The following RFX7 variants were observed in gnomAD, a reference collection of about 807,000 sequenced individuals.
RFX7 encodes DNA-binding protein RFX7.
RFX7 carries 26 observed loss-of-function variants against 111.8 expected under a neutral mutation model. The observed-to-expected ratio is 0.23, with a 90% CI of 0.17 to 0.32. The LOEUF is 0.32. RFX7 is among the 10% of genes least tolerant of loss of function. The pLI is 1.00. For missense variants in RFX7, 1,573 were observed against 1,772.9 expected, an observed-to-expected ratio of 0.89 and a Z score of 2.02; for synonymous variants, 624 against 624.4, an observed-to-expected ratio of 1.00 and a Z score of 0.01.
chr15:56,156,835 T>C (rs766419770), intron 3 of RFX7, among the ~76,000 whole-genome samples: 3 of 152,228 alleles, frequency 2.0e-5, no homozygotes, highest in Non-Finnish European at 2.9e-5. Flanking sequence ...TTATTTATCA[T>C]TTGAGTTTAA....
At chr15:56,105,178 G>A (rs1030472024) in intron 5 of RFX7, among the ~76,000 whole-genome samples, 3 of 152,140 alleles carry the variant, frequency 2.0e-5, no homozygotes, top group Admixed American at 6.5e-5. Context: ...TATCTTTCAA[G>A]TCTCTGCTTA....
intron 5 of RFX7, among the ~76,000 whole-genome samples, chr15:56,111,962 A>C (rs2041940166): frequency 6.6e-6 from 1 of 152,032 alleles, no homozygotes; most frequent in African/African-American, 2.4e-5. Flanking sequence ...TAAAAATACA[A>C]AAACTAGCCG....
At chr15:56,142,968 A>C in intron 4 of RFX7, 68 bp from the exon 5 acceptor site, 1 of 1,556,490 alleles carries the variant, frequency 6.4e-7, no homozygotes, top group Non-Finnish European at 8.8e-7. Flanking sequence ...AGCTAGGCCT[A>C]AATGTTCCAC....
intron 5 of RFX7, among the ~76,000 whole-genome samples, chr15:56,110,075 C>A (rs1360471772): frequency 2.8e-4 from 36 of 129,654 alleles, no homozygotes; most frequent in African/African-American, 1.1e-3. Flanking sequence ...CCAGCCGCCC[C>A]GTCTGGGAGG....
chr15:56,116,737 C>A (rs2042013413), intron 5 of RFX7, among the ~76,000 whole-genome samples: 1 of 152,054 alleles, frequency 6.6e-6, no homozygotes, highest in Non-Finnish European at 1.5e-5. Context: ...TGTCCGTATG[C>A]AGAAGAATGA....
chr15:56,128,690 C>A (rs768620732), intron 5 of RFX7, among the ~76,000 whole-genome samples: 12 of 151,998 alleles, frequency 7.9e-5, no homozygotes, highest in Non-Finnish European at 1.5e-4. Context: ...CTATTCAACA[C>A]TGTACTGAAA....
At chr15:56,102,366 T>C (rs772802314) in intron 6 of RFX7, 113 bp from the exon 7 acceptor site, 10 of 570,482 alleles carry the variant, frequency 1.8e-5, no homozygotes, top group Non-Finnish European at 3.0e-5. Context: ...TGACATAACA[T>C]CTACTTTCTG....
intron 2 of RFX7, among the ~76,000 whole-genome samples, chr15:56,216,190 T>C (rs907994112): frequency 6.6e-6 from 1 of 152,182 alleles, no homozygotes; most frequent in Admixed American, 6.5e-5. Flanking sequence ...GAGAATTCCT[T>C]CCTAAGTTCT....
intron 2 of RFX7, among the ~76,000 whole-genome samples, chr15:56,212,979 C>T (rs764916347): frequency 2.0e-4 from 30 of 152,104 alleles, no homozygotes; most frequent in Admixed American, 4.6e-4. Flanking sequence ...TCACTGTATA[C>T]TATATACCTA....
At chr15:56,186,697 C>A (rs1249788015) in intron 2 of RFX7, among the ~76,000 whole-genome samples, 6 of 150,666 alleles carry the variant, frequency 4.0e-5, no homozygotes, top group African/African-American at 9.7e-5. Flanking sequence ...AATAAACACA[C>A]ATATCTATAC....
chr15:56,209,439 A>G (rs1425968195), intron 2 of RFX7, among the ~76,000 whole-genome samples: 1 of 152,094 alleles, frequency 6.6e-6, no homozygotes, highest in Non-Finnish European at 1.5e-5. Context: ...TTCTTTAGAG[A>G]GAAGGAAAAT....
At chr15:56,128,788 G>A (rs761785000) in intron 5 of RFX7, among the ~76,000 whole-genome samples, 3 of 151,878 alleles carry the variant, frequency 2.0e-5, no homozygotes, top group Non-Finnish European at 4.4e-5. Context: ...ATTTTCAGAT[G>A]AAATAGATAA....
rs564326801 is a variant in RFX7, at chr15:56,134,991, C to T, written c.401+7787G>A. ...AGTATTCCATGGTGTATATGTGCCA[C>T]ATTTTCTTAATCCGGTCTATCATTG... On this transcript the variant is annotated intron_variant, in intron 5 of 9. Transcript: ENST00000559447. 1.6e-4 allele frequency among the ~76,000 whole-genome samples: 25 copies of T among 152,282 alleles called. 1 individual carries two copies. Among genetic ancestry groups the T allele is most frequent in the South Asian group, 1.0e-3 (5 of 4,826 alleles).
intron 5 of RFX7, among the ~76,000 whole-genome samples, chr15:56,110,369 T>TG (rs1213486300): frequency 0.013 from 299 of 22,838 alleles, 8 homozygotes; most frequent in Admixed American, 0.02. Context: ...GGGAGGGAGG[T>TG]GGGGGGGGTC....
intron 5 of RFX7, among the ~76,000 whole-genome samples, chr15:56,105,572 G>A (rs573069856): frequency 3.3e-5 from 5 of 152,272 alleles, no homozygotes; most frequent in East Asian, 3.9e-4. Context: ...AACAGAGGCA[G>A]TGTAATGAGA....
intron 5 of RFX7, among the ~76,000 whole-genome samples, chr15:56,132,548 T>TA (rs2042232315): frequency 6.6e-6 from 1 of 151,998 alleles, no homozygotes; most frequent in African/African-American, 2.4e-5. Flanking sequence ...AAATCACAGA[T>TA]AGACTCAAGG....
chr15:56,102,920 C>A (rs1392495030), intron 6 of RFX7, among the ~76,000 whole-genome samples: 1 of 151,966 alleles, frequency 6.6e-6, no homozygotes, highest in African/African-American at 2.4e-5. Context: ...GATACAGAGA[C>A]CCTCTATTTT....
intron 3 of RFX7, among the ~76,000 whole-genome samples, chr15:56,160,262 A>T (rs1238120327): frequency 6.6e-6 from 1 of 152,086 alleles, no homozygotes; most frequent in African/African-American, 2.4e-5. Context: ...GTTGACAATA[A>T]ATGAGTTCTG....
intron 5 of RFX7, among the ~76,000 whole-genome samples, chr15:56,140,474 C>A (rs1461956362): frequency 6.6e-6 from 1 of 152,220 alleles, no homozygotes; most frequent in Admixed American, 6.5e-5. Context: ...CCTGCTTCGG[C>A]TGGCGCACGG....
Sources: allele counts gnomAD v4.1 joint callset (sites outside exome capture counted in the v4.1 genomes callset), GRCh38; gene constraint gnomAD v4.1.1; transcripts MANE v1.5; gene names NCBI Gene and HGNC (gene_info 2026-07-23, HGNC 2026-07-21).